NCOA2: variants seen among roughly 807,000 people sequenced by gnomAD.
NCOA2 encodes the protein nuclear receptor coactivator 2, also known as class E basic helix-loop-helix protein 75.
A neutral mutation model predicts 145.1 loss-of-function variants in NCOA2; 21 were observed. That is an observed-to-expected ratio of 0.14 (90% CI 0.10 to 0.21). NCOA2 has a LOEUF of 0.21. Among genes scored for constraint, NCOA2 ranks in the 10% least tolerant of loss-of-function variants. The pLI is 1.00. For synonymous variants in NCOA2, 619 were observed against 637.5 expected (o/e 0.97, Z 0.44); for missense variants, 1,472 against 1,837.6 (o/e 0.80, Z 3.64).
chr8:70,419,128 A>G, the NCOA2 span, among the ~76,000 whole-genome samples: 1 of 151,094 alleles, frequency 6.6e-6, no homozygotes, highest in African/African-American at 2.4e-5. Context: ...CTAGATATCC[A>G]GATTCTTTAT....
intron 10 of NCOA2, among the ~76,000 whole-genome samples, chr8:70,158,554 G>A (rs778786652): frequency 2.2e-4 from 33 of 152,098 alleles, no homozygotes; most frequent in Non-Finnish European, 3.2e-4. Flanking sequence ...TAGGCTAGGT[G>A]TGGTAGTCCA....
intron 1 of NCOA2, among the ~76,000 whole-genome samples, chr8:70,333,423 T>C (rs951102736): frequency 5.3e-5 from 8 of 152,226 alleles, no homozygotes; most frequent in Admixed American, 4.6e-4. Flanking sequence ...TGGGCAGTTC[T>C]GGGCACTGGC....
At chr8:70,294,742 C>T (rs1171564438) in intron 2 of NCOA2, among the ~76,000 whole-genome samples, 1 of 152,148 alleles carries the variant, frequency 6.6e-6, no homozygotes, top group African/African-American at 2.4e-5. Flanking sequence ...TTTGGAGTGG[C>T]AAACTGCCTC....
intron 1 of NCOA2, among the ~76,000 whole-genome samples, chr8:70,346,419 T>G (rs554812489): frequency 7.2e-5 from 11 of 152,348 alleles, no homozygotes; most frequent in African/African-American, 2.4e-4. Flanking sequence ...TTAAGGCCTG[T>G]AGCTGCACTG....
intron 22 of NCOA2, among the ~76,000 whole-genome samples, chr8:70,119,311 T>C (rs1351947224): frequency 6.6e-6 from 1 of 152,250 alleles, no homozygotes; most frequent in Non-Finnish European, 1.5e-5. Context: ...GCAATAGATA[T>C]TTGTCTTTTT....
intron 1 of NCOA2, among the ~76,000 whole-genome samples, chr8:70,391,720 G>A (rs574698215): frequency 6.6e-5 from 10 of 152,170 alleles, no homozygotes; most frequent in South Asian, 2.1e-4. Flanking sequence ...AACAAACCAC[G>A]GGAACTGGTC....
intron 1 of NCOA2, among the ~76,000 whole-genome samples, chr8:70,344,283 T>C (rs1336954228): frequency 1.3e-5 from 2 of 152,124 alleles, no homozygotes; most frequent in Non-Finnish European, 2.9e-5. Context: ...GAAGACCAGA[T>C]GGGGACTGGA....
At chr8:70,315,576 A>G (rs1805519351) in intron 1 of NCOA2, among the ~76,000 whole-genome samples, 1 of 152,236 alleles carries the variant, frequency 6.6e-6, no homozygotes, top group African/African-American at 2.4e-5. Context: ...TTGACACTAT[A>G]AACAAATACA....
chr8:70,440,598 G>A, the NCOA2 span, among the ~76,000 whole-genome samples: 602 of 146,886 alleles, frequency 4.1e-3, 5 homozygotes, highest in African/African-American at 0.014. Flanking sequence ...AGACAAGGAA[G>A]GAAGGAAAGA....
intron 2 of NCOA2, among the ~76,000 whole-genome samples, chr8:70,243,602 TAAAG>T: frequency 6.6e-6 from 1 of 151,990 alleles, no homozygotes; most frequent in South Asian, 2.1e-4. Context: ...GATTTAAAAA[TAAAG>T]AAAAACAAAG....
chr8:70,132,614 G>C (rs1809261106), intron 15 of NCOA2, among the ~76,000 whole-genome samples: 1 of 152,226 alleles, frequency 6.6e-6, no homozygotes, highest in South Asian at 2.1e-4. Context: ...GCCCAGGCTG[G>C]AGTGCAGTGG....
At chr8:70,361,920 A>C (rs1213749378) in intron 1 of NCOA2, among the ~76,000 whole-genome samples, 1 of 152,242 alleles carries the variant, frequency 6.6e-6, no homozygotes, top group African/African-American at 2.4e-5. Context: ...GGAAAATCCC[A>C]AATATTTTAA....
intron 2 of NCOA2, among the ~76,000 whole-genome samples, chr8:70,294,071 A>G (rs1262853963): frequency 2.0e-5 from 3 of 152,200 alleles, no homozygotes; most frequent in Non-Finnish European, 4.4e-5. Flanking sequence ...GACCCAAAAT[A>G]TAATAATTAT....
chr8:70,411,265 G>A, the NCOA2 span, among the ~76,000 whole-genome samples: 1 of 152,048 alleles, frequency 6.6e-6, no homozygotes, highest in African/African-American at 2.4e-5. Flanking sequence ...ACATTGTACA[G>A]GCAGTTCTAG....
chr8:70,116,482 CAG>C (rs1167371327), intron 22 of NCOA2, among the ~76,000 whole-genome samples: 1 of 151,598 alleles, frequency 6.6e-6, no homozygotes, highest in Non-Finnish European at 1.5e-5. Flanking sequence ...ACCTGGGAGA[CAG>C]AGGCTGCAGT....
chr8:70,387,202 G>A (rs901091200), intron 1 of NCOA2, among the ~76,000 whole-genome samples: 1 of 152,168 alleles, frequency 6.6e-6, no homozygotes, highest in Non-Finnish European at 1.5e-5. Context: ...GTCTTGCTAT[G>A]TTGTCAGGCT....
Position 70,339,380 on chromosome 8 carries a change from GTGAA to G in NCOA2, c.-76-42584_-76-42581del, listed in dbSNP as rs201530236. 9.2e-3 allele frequency among the ~76,000 whole-genome samples: 1,407 copies of G among 152,228 alleles called. 21 individuals are homozygous for G. Among genetic ancestry groups the G allele is most frequent in the African/African-American group, 0.032 (1,310 of 41,524 alleles). ...CCTAGGAATACAGCTAACAAGGGAA[GTGAA>G]GGACATCTTCAAGAAGAACTACAAA... On this transcript the variant is annotated intron_variant, in intron 1 of 22. Coordinates refer to ENST00000452400, the MANE Select transcript of NCOA2 (RefSeq NM_006540.4).
chr8:70,188,642 T>C (rs911299985), intron 4 of NCOA2, among the ~76,000 whole-genome samples: 26 of 152,080 alleles, frequency 1.7e-4, no homozygotes, highest in African/African-American at 6.0e-4. Flanking sequence ...AATAATTTAA[T>C]TGTACAACAA....
intron 16 of NCOA2, among the ~76,000 whole-genome samples, chr8:70,130,248 A>C (rs1279840359): frequency 6.6e-6 from 1 of 152,208 alleles, no homozygotes; most frequent in African/African-American, 2.4e-5. Flanking sequence ...TACTTCCCTC[A>C]ATTCTACCTA....
Sources: allele counts gnomAD v4.1 joint callset (sites outside exome capture counted in the v4.1 genomes callset), GRCh38; gene constraint gnomAD v4.1.1; transcripts MANE v1.5; gene names NCBI Gene and HGNC (gene_info 2026-07-23, HGNC 2026-07-21).